GLRA1: variants seen among roughly 807,000 people sequenced by gnomAD.
GLRA1 encodes the protein glycine receptor subunit alpha-1.
A neutral mutation model predicts 48.3 loss-of-function variants in GLRA1; 37 were observed. The ratio of observed to expected loss-of-function variants is 0.77; its 90% CI spans 0.59 to 1.01. The LOEUF (loss-of-function observed/expected upper bound fraction) is 1.01, where lower values mean the gene tolerates loss of function less well. Among genes scored for constraint, GLRA1 ranks in the 50% least tolerant of loss-of-function variants. GLRA1 has a pLI of 0.00. For synonymous variants in GLRA1, 196 were observed against 210.7 expected, an observed-to-expected ratio of 0.93 and a Z score of 0.60; for missense variants, 427 against 571.0, an observed-to-expected ratio of 0.75 and a Z score of 2.57.
chr5:151,906,207 G>A (rs1754470178), intron 1 of GLRA1, among the ~76,000 whole-genome samples: 1 of 152,172 alleles, frequency 6.6e-6, no homozygotes, highest in Non-Finnish European at 1.5e-5. Context: ...CATATCAAGT[G>A]AGAACTGCAG....
At chr5:151,873,310 C>T (rs1164770057) in intron 3 of GLRA1, among the ~76,000 whole-genome samples, 2 of 149,246 alleles carry the variant, frequency 1.3e-5, no homozygotes, top group Non-Finnish European at 2.9e-5. Context: ...TTGGTTCCCT[C>T]TCCAGTTCAA....
At chr5:151,844,813 G>T (rs933454823) in intron 7 of GLRA1, among the ~76,000 whole-genome samples, 1 of 151,826 alleles carries the variant, frequency 6.6e-6, no homozygotes, top group African/African-American at 2.4e-5. Context: ...TATCTAAGAT[G>T]GGATAATTTA....
chr5:151,847,136 G>A (rs149797233), intron 7 of GLRA1, among the ~76,000 whole-genome samples: 1,613 of 152,328 alleles, frequency 0.011, 22 homozygotes, highest in Non-Finnish European at 0.013. Context: ...AGAATGTTAA[G>A]CAGCATTAAT....
chr5:151,887,770 A>G (rs1197257615), intron 2 of GLRA1, among the ~76,000 whole-genome samples: 2 of 152,228 alleles, frequency 1.3e-5, no homozygotes, highest in African/African-American at 4.8e-5. Flanking sequence ...GGGTTTCCAA[A>G]TAAGCTGACA....
At chr5:151,883,331 G>T (rs1561570648) in intron 3 of GLRA1, among the ~76,000 whole-genome samples, 1 of 152,184 alleles carries the variant, frequency 6.6e-6, no homozygotes, top group Non-Finnish European at 1.5e-5. Context: ...CACTTTTGAT[G>T]CACTTAGACT....
At chr5:151,833,992 C>T (rs561820718) in intron 7 of GLRA1, among the ~76,000 whole-genome samples, 1 of 152,064 alleles carries the variant, frequency 6.6e-6, no homozygotes, top group African/African-American at 2.4e-5. Context: ...TCTTAGAGAC[C>T]TACAAAGAGA....
At chr5:151,915,144 A>AT (rs887327833) in intron 1 of GLRA1, among the ~76,000 whole-genome samples, 129 of 152,060 alleles carry the variant, frequency 8.5e-4, no homozygotes, top group African/African-American at 3.0e-3. Context: ...ACATAATAGT[A>AT]TTTTTTTTGA....
intron 7 of GLRA1, chr5:151,850,147 A>G: frequency 6.2e-7 from 1 of 1,603,834 alleles, no homozygotes; most frequent in South Asian, 1.1e-5. Flanking sequence ...CCAGGACCCC[A>G]GGGTCCATAT....
At chr5:151,911,663 T>G (rs1467775721) in intron 1 of GLRA1, among the ~76,000 whole-genome samples, 1 of 140,902 alleles carries the variant, frequency 7.1e-6, no homozygotes, top group African/African-American at 2.7e-5. Context: ...CGGAGTGCAG[T>G]GGCACTACCT....
intron 7 of GLRA1, among the ~76,000 whole-genome samples, chr5:151,835,818 T>G (rs2113304489): frequency 6.6e-6 from 1 of 152,238 alleles, no homozygotes; most frequent in Admixed American, 6.5e-5. Context: ...CTCAAAATAA[T>G]AAGAGCTATT....
intron 1 of GLRA1, among the ~76,000 whole-genome samples, chr5:151,920,934 C>T (rs561023627): frequency 6.6e-6 from 1 of 152,322 alleles, no homozygotes; most frequent in African/African-American, 2.4e-5. Context: ...ATTCACCTTT[C>T]AACTGGGTAG....
At chr5:151,852,673 C>T (rs531335275) in intron 6 of GLRA1, among the ~76,000 whole-genome samples, 7 of 152,300 alleles carry the variant, frequency 4.6e-5, no homozygotes, top group African/African-American at 1.7e-4. Flanking sequence ...TCAGCTCTAA[C>T]TTAAATGAAA....
chr5:151,853,459 TTGGTTAGGC>T (rs1187609521), intron 6 of GLRA1, among the ~76,000 whole-genome samples: 1 of 151,712 alleles, frequency 6.6e-6, no homozygotes, highest in Non-Finnish European at 1.5e-5. Context: ...TTTCACCATG[TTGGTTAGGC>T]TGGTCTAAAA....
chr5:151,860,084 T>A, intron 3 of GLRA1, 76 bp from the exon 4 acceptor site: 3 of 1,105,724 alleles, frequency 2.7e-6, no homozygotes, highest in Non-Finnish European at 4.1e-6. Flanking sequence ...TGGGTGCTTT[T>A]GGCCAGTAAA....
chr5:151,862,288 G>T (rs1475457197), intron 3 of GLRA1, among the ~76,000 whole-genome samples: 2 of 152,126 alleles, frequency 1.3e-5, no homozygotes, highest in Non-Finnish European at 2.9e-5. Context: ...ATTCAAGATG[G>T]ATTAAAGACT....
Position 151,872,955 on chromosome 5 carries a change from AG to A in GLRA1, c.253-12948del, listed in dbSNP as rs549190401. 7.2e-4 allele frequency among the ~76,000 whole-genome samples: 108 copies of A among 149,846 alleles called. 14 individuals are homozygous for A. Among genetic ancestry groups the A allele is most frequent in the Middle Eastern group, 3.4e-3 (1 of 294 alleles). ...CCTAAATGTATGAACAATCAAGGAA[AG>A]GGGACTAGTATGGTGTCCACTAAAT... is the stretch of plus-strand genomic sequence containing the variant. On this transcript the variant is annotated intron_variant, in intron 3 of 8. Transcript: ENST00000274576.
intron 1 of GLRA1, among the ~76,000 whole-genome samples, chr5:151,912,529 G>A (rs1474776293): frequency 6.6e-6 from 1 of 152,136 alleles, no homozygotes; most frequent in East Asian, 1.9e-4. Context: ...CAACAGCTAC[G>A]GAGCCAGGGC....
chr5:151,823,048 G>T, intron 8 of GLRA1, 85 bp from the exon 9 acceptor site: 1 of 1,221,272 alleles, frequency 8.2e-7, no homozygotes, highest in Non-Finnish European at 1.1e-6. Context: ...TGGGGGCCAG[G>T]CCATGCCTAT....
intron 7 of GLRA1, among the ~76,000 whole-genome samples, chr5:151,847,338 C>A (rs1367218052): frequency 6.6e-6 from 1 of 152,110 alleles, no homozygotes; most frequent in Non-Finnish European, 1.5e-5. Context: ...AATGAAGTAT[C>A]AAGTATTAAT....
Sources: gnomAD v4.1 joint callset for allele counts (sites outside exome capture counted in the v4.1 genomes callset) on GRCh38, gnomAD v4.1.1 for gene constraint, MANE v1.5 for transcripts, NCBI Gene and HGNC (gene_info 2026-07-23, HGNC 2026-07-21) for gene names.